MAX: variants seen among roughly 807,000 people sequenced by gnomAD.
MAX encodes the protein protein max.
In MAX, 3 loss-of-function variants were observed where a neutral mutation model predicts 22.3. That is an observed-to-expected ratio of 0.13 (90% CI 0.06 to 0.35). The LOEUF (loss-of-function observed/expected upper bound fraction) is 0.35, where lower values mean the gene tolerates loss of function less well. Among genes scored for constraint, MAX ranks in the 10% least tolerant of loss-of-function variants. The pLI is 1.00. For missense variants in MAX, 119 were observed against 209.4 expected (o/e 0.57, Z 2.66); for synonymous variants, 72 against 77.7 (o/e 0.93, Z 0.39).
At chr14:65,056,077 ATATG>A (rs2139683420) in intron 3 of MAX, among the ~76,000 whole-genome samples, 1 of 152,264 alleles carries the variant, frequency 6.6e-6, no homozygotes, top group East Asian at 1.9e-4. Flanking sequence ...TGCTACATAC[ATATG>A]TATCTATAAG....
chr14:65,068,750 T>C (rs1356023029), intron 3 of MAX, among the ~76,000 whole-genome samples: 5 of 152,326 alleles, frequency 3.3e-5, no homozygotes, highest in Admixed American at 2.6e-4. Flanking sequence ...GAGTACTGCA[T>C]GTTGATAATT....
rs2139586469 is a variant in MAX at position 65,031,118 on chromosome 14, T to C, written c.172-24834A>G. Among the ~76,000 whole-genome samples the C allele has an allele frequency of 6.6e-6, 1 of 151,768 alleles. No homozygotes were observed. Among genetic ancestry groups the C allele is most frequent in the African/African-American group, 2.4e-5 (1 of 41,376 alleles). ...CTACCATGCCTGGCCAGGAGAAGGATTTTTGAGCAGAATTCAAACCAATGA... is the reference window on the plus strand; with the variant it reads ...CTACCATGCCTGGCCAGGAGAAGGACTTTTGAGCAGAATTCAAACCAATGA... On this transcript the variant is annotated intron_variant, in intron 3 of 3. Coordinates refer to the MAX transcript ENST00000341653. The surrounding 1 kb of genome is among the most constrained non-coding windows in gnomAD (Gnocchi z 4.6).
intron 3 of MAX, chr14:65,041,053 A>G: frequency 7.1e-7 from 1 of 1,404,208 alleles, no homozygotes; most frequent in Non-Finnish European, 9.5e-7. Flanking sequence ...ACACAGAGGA[A>G]GGAGTGAGCA....
chr14:65,085,806 T>C (rs986801108), intron 3 of MAX, among the ~76,000 whole-genome samples: 3 of 152,132 alleles, frequency 2.0e-5, no homozygotes, highest in Non-Finnish European at 4.4e-5. Context: ...CCAAGTCACC[T>C]GGGCAGTGTG....
intron 3 of MAX, among the ~76,000 whole-genome samples, chr14:65,039,940 A>G (rs1370891691): frequency 2.6e-5 from 4 of 152,194 alleles, no homozygotes; most frequent in African/African-American, 9.7e-5. Flanking sequence ...TGTCATCCCA[A>G]CGCTTTGGGA....
rs1203172320 is a variant in MAX, at chr14:65,076,497, C to T, written c.462G>A (p.Lys154=). 1.2e-6 allele frequency: 2 copies of T among 1,613,634 alleles called. No individual in the cohort carries two copies. Among genetic ancestry groups the T allele is most frequent in the South Asian group, 1.1e-5 (1 of 91,060 alleles). Residue 154 remains lysine, a synonymous_variant, in exon 5 of 5, where the codon AAG becomes AAA. Transcript: ENST00000358664. The surrounding 1 kb of genome is among the most constrained non-coding windows in gnomAD (Gnocchi z 6.6). ...SEPEEPQSRK[K]LRMEAS ...TGGCTTAGCTGGCCTCCATCCGGAG[C>T]TTCTTCCTGCTTTGGGGCTCTTCAG...
chr14:65,027,205 T>C lies in MAX; in HGVS notation c.172-20921A>G, dbSNP rs146725596. ...GAAAGTCGGTTTCTTCCCAGCCTTG[T>C]GTTCCCTGCTTCATGACCAACAAGC... On this transcript the variant is annotated intron_variant, in intron 3 of 3. Transcript: ENST00000341653. This position sits in a 1 kb window ranked among gnomAD's most constrained non-coding sequence, Gnocchi z 5.7. Among the ~76,000 whole-genome samples, 600 of 152,332 alleles carry C rather than the reference T, an allele frequency of 3.9e-3. 2 individuals carry two copies. The highest frequency in any genetic ancestry group is 0.014 in the African/African-American group (568 of 41,576).
At chr14:65,081,505 G>T (rs982340207) in intron 3 of MAX, among the ~76,000 whole-genome samples, 5 of 152,108 alleles carry the variant, frequency 3.3e-5, no homozygotes, top group African/African-American at 1.2e-4. Flanking sequence ...CAGCAAACAC[G>T]AAACCAGCAA....
rs1194565505 is a variant in MAX at position 65,093,854 on chromosome 14, T to C, written c.64-39A>G. 8.5e-7 allele frequency: 1 copy of C among 1,180,688 alleles called. No individual in the cohort carries two copies. The highest frequency in any genetic ancestry group is 1.3e-6 in the Non-Finnish European group (1 of 784,188). 73.1% of individuals were successfully genotyped at this position (1,180,688 alleles called of 1,614,324 possible). A position where few individuals can be genotyped will look rare whatever the true frequency, so the allele number is the denominator to read the frequency against. ...AGAAAGAACACATTAGGAATGTCAC[T>C]CCTTTTGCTTGGTACAAGGTGGGTG... On this transcript the variant is annotated intron_variant, in intron 2 of 4. Coordinates refer to ENST00000358664, the MANE Select transcript of MAX (RefSeq NM_002382.5). The surrounding 1 kb of genome is among the most constrained non-coding windows in gnomAD (Gnocchi z 4.4).
In MAX at chr14:65,030,683, T is replaced by C. The variant is rs1318077765; in HGVS notation, c.172-24399A>G. On this transcript the variant is annotated intron_variant, in intron 3 of 3. Transcript: ENST00000341653. The surrounding 1 kb of genome is among the most constrained non-coding windows in gnomAD (Gnocchi z 4.5). ...TGAGCCCAGGAGTTTGAGGTTGCAG[T>C]GAGCCATGATAGCGCCACTGCACTG... 6.6e-6 allele frequency among the ~76,000 whole-genome samples: 1 copy of C among 151,580 alleles called. No homozygotes were observed. The highest frequency in any genetic ancestry group is 1.5e-5 in the Non-Finnish European group (1 of 67,920).
intron 3 of MAX, among the ~76,000 whole-genome samples, chr14:65,051,899 A>G (rs1238336363): frequency 6.6e-6 from 1 of 150,464 alleles, no homozygotes; most frequent in Non-Finnish European, 1.5e-5. Context: ...GGTTCACGCC[A>G]TTCTCCTGCC....
At chr14:65,055,953 C>A (rs987990030) in intron 3 of MAX, among the ~76,000 whole-genome samples, 8 of 152,170 alleles carry the variant, frequency 5.3e-5, no homozygotes, top group African/African-American at 1.7e-4. Context: ...TAATTATTTC[C>A]CCCTATTTGC....
Position 65,011,257 on chromosome 14 carries a change from C to T in MAX, c.172-4973G>A, listed in dbSNP as rs574124512. 2.0e-5 allele frequency among the ~76,000 whole-genome samples: 3 copies of T among 152,050 alleles called. No homozygotes were observed. The highest frequency in any genetic ancestry group is 4.2e-4 in the South Asian group (2 of 4,808). ...AGCCTGGGCAACATGGTGAAACCCC[C>T]GTCTCCACTAAAAATACAAAAATTA... is the stretch of plus-strand genomic sequence containing the variant. On this transcript the variant is annotated intron_variant, in intron 3 of 3. Transcript: ENST00000341653. This position sits in a 1 kb window ranked among gnomAD's most constrained non-coding sequence, Gnocchi z 4.0.
intron 3 of MAX, among the ~76,000 whole-genome samples, chr14:65,024,702 A>G (rs554346394): frequency 1.4e-3 from 212 of 152,262 alleles, no homozygotes; most frequent in Admixed American, 4.3e-3. Context: ...TGTTTGTACA[A>G]TGTTTTTTGC....
chr14:65,040,267 ATGTATATATATGTG>A (rs948166800), intron 3 of MAX, among the ~76,000 whole-genome samples: 6 of 149,178 alleles, frequency 4.0e-5, no homozygotes, highest in African/African-American at 4.9e-5. Flanking sequence ...ATGTATATAT[ATGTATATATATGTG>A]TGTATATATA....
intron 3 of MAX, among the ~76,000 whole-genome samples, chr14:65,020,936 G>A (rs1442335157): frequency 1.3e-5 from 2 of 151,660 alleles, no homozygotes; most frequent in Non-Finnish European, 2.9e-5. Context: ...CAACATGTTG[G>A]CCAGGCTGGT....
chr14:65,053,996 G>A (rs981975809), intron 3 of MAX, among the ~76,000 whole-genome samples: 4 of 152,130 alleles, frequency 2.6e-5, no homozygotes, highest in Non-Finnish European at 5.9e-5. Flanking sequence ...AAGACAGCTG[G>A]AGAGACTGAC....
At chr14:65,026,825 G>A (rs570657172) in intron 3 of MAX, among the ~76,000 whole-genome samples, 9 of 151,660 alleles carry the variant, frequency 5.9e-5, no homozygotes, top group African/African-American at 2.2e-4. Flanking sequence ...TCACACCACT[G>A]CACTGCAGCC....
At chr14:65,102,189 G>C in intron 1 of MAX, 115 bp downstream of exon 1, 2 of 1,547,440 alleles carry the variant, frequency 1.3e-6, no homozygotes, top group Non-Finnish European at 1.8e-6. Context: ...GCCCCGAGGG[G>C]AAGGGGAAGG....
Sources: gnomAD v4.1 joint callset for allele counts (sites outside exome capture counted in the v4.1 genomes callset) on GRCh38, gnomAD v4.1.1 for gene constraint, Gnocchi (gnomAD v3.1) non-coding constraint, MANE v1.5 for transcripts, NCBI Gene and HGNC (gene_info 2026-07-23, HGNC 2026-07-21) for gene names.